The following DOCK2 variants were observed in gnomAD, a reference collection of about 807,000 sequenced individuals.
The protein encoded by DOCK2 is dedicator of cytokinesis 2.
DOCK2 carries 87 observed loss-of-function variants against 248.9 expected under a neutral mutation model. The ratio of observed to expected loss-of-function variants is 0.35; its 90% CI spans 0.29 to 0.42. The LOEUF is 0.42. DOCK2 is among the 10% of genes least tolerant of loss of function. DOCK2 has a pLI of 1.00. For missense variants in DOCK2, 1,747 were observed against 2,300.2 expected (o/e 0.76, Z 4.92); for synonymous variants, 805 against 821.6 (o/e 0.98, Z 0.35).
At chr5:170,056,831 C>A in intron 43 of DOCK2, 63 bp downstream of exon 43, 1 of 1,459,838 alleles carries the variant, frequency 6.9e-7, no homozygotes, top group Non-Finnish European at 9.5e-7. Flanking sequence ...GAGCATGCAT[C>A]GGCCAGCCTC....
chr5:169,654,637 A>G (rs1757999828), intron 2 of DOCK2, 151 bp downstream of exon 2: 1 of 747,998 alleles, frequency 1.3e-6, no homozygotes, highest in Admixed American at 3.0e-5. Context: ...TTTACTAAAC[A>G]GAAATGCTTT....
chr5:169,885,136 C>T (rs1772900659), intron 27 of DOCK2, among the ~76,000 whole-genome samples: 1 of 152,196 alleles, frequency 6.6e-6, no homozygotes, highest in African/African-American at 2.4e-5. Flanking sequence ...CACCCAGTGC[C>T]AAGACCACAT....
chr5:170,073,076 A>C (rs971066235), intron 46 of DOCK2, among the ~76,000 whole-genome samples: 2 of 152,200 alleles, frequency 1.3e-5, no homozygotes, highest in African/African-American at 4.8e-5. Context: ...AAGAAACCGC[A>C]ACTACCCCAA....
intron 1 of DOCK2, among the ~76,000 whole-genome samples, chr5:169,638,436 A>G (rs1756964964): frequency 1.3e-5 from 2 of 152,204 alleles, no homozygotes; most frequent in Non-Finnish European, 2.9e-5. Flanking sequence ...TCTGCCCTTG[A>G]GGAGTTATGT....
At chr5:169,708,938 G>A (rs1316187802) in intron 15 of DOCK2, among the ~76,000 whole-genome samples, 2 of 152,198 alleles carry the variant, frequency 1.3e-5, no homozygotes, top group Non-Finnish European at 2.9e-5. Context: ...GTCTGGGTTC[G>A]TATTCCAGCC....
chr5:169,658,304 C>G (rs916773433), intron 2 of DOCK2, among the ~76,000 whole-genome samples: 2 of 151,624 alleles, frequency 1.3e-5, no homozygotes, highest in Non-Finnish European at 2.9e-5. Context: ...CATGGTGAAA[C>G]CCCATCTCTA....
intron 26 of DOCK2, among the ~76,000 whole-genome samples, chr5:169,819,077 A>G (rs754239657): frequency 6.6e-6 from 1 of 152,234 alleles, no homozygotes; most frequent in Non-Finnish European, 1.5e-5. Flanking sequence ...ACAAGGAATG[A>G]CATGATTCAG....
intron 25 of DOCK2, among the ~76,000 whole-genome samples, chr5:169,788,761 T>C (rs962106337): frequency 2.0e-5 from 3 of 152,226 alleles, no homozygotes; most frequent in Non-Finnish European, 4.4e-5. Flanking sequence ...TGTGCAAAAT[T>C]ACTTGCAATT....
intron 26 of DOCK2, among the ~76,000 whole-genome samples, chr5:169,824,428 T>C (rs1165869417): frequency 1.3e-5 from 2 of 152,158 alleles, no homozygotes; most frequent in East Asian, 1.9e-4. Context: ...AACAGAGATA[T>C]AGACCAATAG....
In DOCK2 at chr5:170,080,291, C is replaced by A. The variant is rs1350207714; in HGVS notation, c.5287+8C>A. On this transcript the variant is annotated splice_region_variant and intron_variant, in intron 50 of 51. Coordinates refer to ENST00000520908, the MANE Select transcript of DOCK2 (RefSeq NM_004946.3). ...CCATGCCTACCATCCCAGGTATGCC[C>A]CCTGCTGCCACCAGCATGAGGGAGT... 2 of 1,614,034 alleles carry A rather than the reference C, an allele frequency of 1.2e-6. No individual in the cohort carries two copies. Among genetic ancestry groups the A allele is most frequent in the East Asian group, 2.2e-5 (1 of 44,880 alleles).
At chr5:170,046,138 A>G (rs774383755) in intron 39 of DOCK2, among the ~76,000 whole-genome samples, 2 of 152,242 alleles carry the variant, frequency 1.3e-5, no homozygotes, top group Non-Finnish European at 2.9e-5. Context: ...CAAAGGGAGC[A>G]TTGAGTACCT....
At chr5:169,701,396 A>G (rs752522487) in intron 13 of DOCK2, among the ~76,000 whole-genome samples, 13 of 151,556 alleles carry the variant, frequency 8.6e-5, no homozygotes, top group Non-Finnish European at 1.9e-4. Context: ...TTCTTTCCAC[A>G]TTTGTCTGGC....
At chr5:169,936,599 T>TTA (rs1436303619) in intron 27 of DOCK2, among the ~76,000 whole-genome samples, 1 of 130,786 alleles carries the variant, frequency 7.6e-6, no homozygotes, top group African/African-American at 3.0e-5. Context: ...TTTTTTTTTT[T>TTA]ATGAATTAGC....
chr5:170,027,653 T>C (rs1755967121), intron 33 of DOCK2, among the ~76,000 whole-genome samples: 4 of 152,160 alleles, frequency 2.6e-5, no homozygotes, highest in African/African-American at 9.7e-5. Context: ...TCTCTCTCTC[T>C]AGCAGTTATC....
At chr5:170,035,199 A>C (rs1166964708) in intron 35 of DOCK2, among the ~76,000 whole-genome samples, 3 of 152,218 alleles carry the variant, frequency 2.0e-5, no homozygotes, top group African/African-American at 7.2e-5. Flanking sequence ...TGATTCGACC[A>C]GGAGACAGGT....
intron 5 of DOCK2, among the ~76,000 whole-genome samples, chr5:169,672,303 C>T (rs944586742): frequency 2.6e-5 from 4 of 152,150 alleles, no homozygotes; most frequent in African/African-American, 4.8e-5. Context: ...CCACCACGCC[C>T]GGCCTACTAC....
intron 29 of DOCK2, among the ~76,000 whole-genome samples, chr5:169,990,592 C>T (rs1778180582): frequency 1.3e-5 from 2 of 152,160 alleles, no homozygotes; most frequent in Non-Finnish European, 1.5e-5. Flanking sequence ...AACCTTTTGG[C>T]CCATGGAGCA....
intron 27 of DOCK2, among the ~76,000 whole-genome samples, chr5:169,925,463 C>G (rs1775389736): frequency 1.3e-5 from 2 of 151,764 alleles, no homozygotes; most frequent in African/African-American, 4.8e-5. Flanking sequence ...ACCTGTAATC[C>G]CAGCTACTTG....
chr5:170,009,201 T>G (rs930390705), intron 32 of DOCK2, among the ~76,000 whole-genome samples: 1 of 152,100 alleles, frequency 6.6e-6, no homozygotes, highest in African/African-American at 2.4e-5. Flanking sequence ...CCCCAGAAGC[T>G]GTCTCTGCCT....
Sources: gnomAD v4.1 joint callset for allele counts (sites outside exome capture counted in the v4.1 genomes callset) on GRCh38, gnomAD v4.1.1 for gene constraint, MANE v1.5 for transcripts, NCBI Gene and HGNC (gene_info 2026-07-23, HGNC 2026-07-21) for gene names.